Variants in CHN2 observed in about 807,000 individuals in gnomAD.
The protein encoded by CHN2 is chimerin 2, also known as beta-chimaerin.
CHN2 carries 35 observed loss-of-function variants against 56.3 expected under a neutral mutation model. The observed-to-expected ratio is 0.62, with a 90% confidence interval of 0.47 to 0.82. The LOEUF (loss-of-function observed/expected upper bound fraction) is 0.82, where lower values mean the gene tolerates loss of function less well. CHN2 is among the 40% of genes least tolerant of loss of function. The pLI is 0.00. For missense variants in CHN2, 491 were observed against 580.5 expected (o/e 0.85, Z 1.58); for synonymous variants, 210 against 212.8 (o/e 0.99, Z 0.12).
chr7:29,313,131 C>A (rs1183815207), intron 1 of CHN2, among the ~76,000 whole-genome samples: 3 of 152,180 alleles, frequency 2.0e-5, no homozygotes, highest in African/African-American at 7.2e-5. Context: ...CCACTCAATT[C>A]TTTAATTCTT....
intron 1 of CHN2, among the ~76,000 whole-genome samples, chr7:29,250,022 C>A (rs1291402159): frequency 2.0e-5 from 3 of 152,194 alleles, no homozygotes; most frequent in Non-Finnish European, 2.9e-5. Flanking sequence ...CAAGACCTTA[C>A]CGACTTAACC....
At chr7:29,223,962 G>A (rs1235888585) in intron 1 of CHN2, among the ~76,000 whole-genome samples, 1 of 152,076 alleles carries the variant, frequency 6.6e-6, no homozygotes, top group Non-Finnish European at 1.5e-5. Context: ...AAATTCTTTT[G>A]ACTTGGCTCT....
intron 1 of CHN2, among the ~76,000 whole-genome samples, chr7:29,272,064 A>C (rs1465992582): frequency 1.3e-5 from 2 of 152,184 alleles, no homozygotes; most frequent in African/African-American, 2.4e-5. Flanking sequence ...TGGAACCTGC[A>C]GAGAATGTGG....
chr7:29,214,560 A>G (rs1015631522), intron 1 of CHN2, among the ~76,000 whole-genome samples: 4 of 152,140 alleles, frequency 2.6e-5, no homozygotes, highest in Admixed American at 2.0e-4. Context: ...TGTAATGCTC[A>G]TCTTCTTGTG....
intron 3 of CHN2, among the ~76,000 whole-genome samples, chr7:29,392,143 A>G (rs1801417439): frequency 6.6e-6 from 1 of 152,194 alleles, no homozygotes; most frequent in Non-Finnish European, 1.5e-5. Context: ...CTCTCAAAGA[A>G]TGGAGATTTT....
In CHN2 at chr7:29,231,730, T is replaced by G. The variant is rs145729797; in HGVS notation, c.49+36740T>G. ...CTGATACTATCATTAGCACTTTAAA[T>G]TATTGGTTACAGTGTATAAGGGAAA... On this transcript the variant is annotated intron_variant, in intron 1 of 12. Transcript: ENST00000222792. Among the ~76,000 whole-genome samples, 1,080 of 152,318 alleles carry G rather than the reference T, an allele frequency of 7.1e-3. 19 individuals carry two copies. Among genetic ancestry groups the G allele is most frequent in the African/African-American group, 0.025 (1,030 of 41,552 alleles).
Position 29,512,588 on chromosome 7 carries a change from T to G in CHN2, c.1260T>G (p.Asn420Lys), listed in dbSNP as rs1347019155. 4.3e-6 allele frequency: 7 copies of G among 1,612,938 alleles called. No homozygotes were observed. The change falls in exon 13 of 13, where the codon AAT becomes AAG. Residue 420 changes from asparagine (N) to lysine (K), a missense_variant. Physicochemically the swap from Asn to Lys is moderately conservative, Grantham distance 94. Coordinates refer to ENST00000222792, the MANE Select transcript of CHN2 (RefSeq NM_004067.4). ...LKKVTMNEKD[N>K]FMNAENLGIV... ...GGGTTACTATGAATGAAAAAGACAATTTCATGAATGCAGAAAATCTGGGGA... is the reference window on the plus strand; with the variant it reads ...GGGTTACTATGAATGAAAAAGACAAGTTCATGAATGCAGAAAATCTGGGGA...
chr7:29,333,432 G>C (rs1008162876), intron 1 of CHN2, among the ~76,000 whole-genome samples: 1 of 152,220 alleles, frequency 6.6e-6, no homozygotes, highest in Non-Finnish European at 1.5e-5. Flanking sequence ...CAGTGAGTGG[G>C]AGAGGTACAT....
At chr7:29,472,441 C>G (rs73082492) in intron 6 of CHN2, among the ~76,000 whole-genome samples, 1 of 150,928 alleles carries the variant, frequency 6.6e-6, no homozygotes, top group East Asian at 2.0e-4. Context: ...CAGGGCTGTA[C>G]GAATGGCTGC....
At chr7:29,157,054 C>T (rs1562798895) in intron 2 of CHN2, among the ~76,000 whole-genome samples, 2 of 152,150 alleles carry the variant, frequency 1.3e-5, no homozygotes, top group African/African-American at 4.8e-5. Flanking sequence ...GGAAAGGAAG[C>T]CAGCCTCCTA....
intron 2 of CHN2, among the ~76,000 whole-genome samples, chr7:29,168,378 T>C (rs1796175337): frequency 6.6e-6 from 1 of 152,216 alleles, no homozygotes; most frequent in Non-Finnish European, 1.5e-5. Context: ...TAAATAAAAC[T>C]TTTTATCTTA....
At chr7:29,372,264 A>C (rs1799675971) in intron 3 of CHN2, among the ~76,000 whole-genome samples, 1 of 151,960 alleles carries the variant, frequency 6.6e-6, no homozygotes, top group Non-Finnish European at 1.5e-5. Flanking sequence ...GGGCCTTTGC[A>C]CTTGCCCTTT....
At chr7:29,224,728 A>G (rs1236726294) in intron 1 of CHN2, among the ~76,000 whole-genome samples, 1 of 152,224 alleles carries the variant, frequency 6.6e-6, no homozygotes, top group Non-Finnish European at 1.5e-5. Flanking sequence ...TCATTTCTAT[A>G]TTTAAAATAA....
intron 1 of CHN2, among the ~76,000 whole-genome samples, chr7:29,252,574 C>CTTTTTTTTTTT (rs150230689): frequency 5.2e-5 from 1 of 19,282 alleles, no homozygotes; most frequent in East Asian, 1.4e-3. Context: ...AAATTGCATT[C>CTTTTTTTTTTT]TTTGTTTTTT....
chr7:29,151,049 G>T (rs1793522653), intron 2 of CHN2, among the ~76,000 whole-genome samples: 1 of 152,136 alleles, frequency 6.6e-6, no homozygotes, highest in African/African-American at 2.4e-5. Context: ...TGAGAAGTAG[G>T]CCCAGGTGGC....
At chr7:29,146,679 A>G (rs1172585656) in exon 1 of CHN2, 2 of 1,550,554 alleles carry the variant, frequency 1.3e-6, no homozygotes, top group Non-Finnish European at 1.7e-6. Flanking sequence ...CCCATGCTGG[A>G]AGAAGCAAGC....
chr7:29,360,146 C>T (rs1015148885), intron 2 of CHN2, among the ~76,000 whole-genome samples: 3 of 152,182 alleles, frequency 2.0e-5, no homozygotes, highest in African/African-American at 7.2e-5. Flanking sequence ...CGCCTGAAAC[C>T]CCTCAGTGTG....
chr7:29,239,850 T>C (rs1412734754), intron 1 of CHN2, among the ~76,000 whole-genome samples: 1 of 152,222 alleles, frequency 6.6e-6, no homozygotes, highest in Non-Finnish European at 1.5e-5. Flanking sequence ...AGGGCAGCAC[T>C]GGTCCCCTCC....
chr7:29,357,009 C>T (rs1001142638), intron 2 of CHN2, among the ~76,000 whole-genome samples: 16 of 152,226 alleles, frequency 1.1e-4, no homozygotes, highest in Admixed American at 1.3e-4. Flanking sequence ...GAAAAGATGG[C>T]ATTGGCTCAA....
Sources: gnomAD v4.1 joint callset for allele counts (sites outside exome capture counted in the v4.1 genomes callset) on GRCh38, gnomAD v4.1.1 for gene constraint, MANE v1.5 for transcripts, NCBI Gene and HGNC (gene_info 2026-07-23, HGNC 2026-07-21) for gene names.